BRWD1: variants seen among roughly 807,000 people sequenced by gnomAD.
The protein encoded by BRWD1 is bromodomain and WD repeat-containing protein 1.
A neutral mutation model predicts 251.2 loss-of-function variants in BRWD1; 82 were observed. That is an observed-to-expected ratio of 0.33 (90% CI 0.27 to 0.39). The LOEUF is 0.39. BRWD1 is among the 10% of genes least tolerant of loss of function. The pLI is 1.00. For synonymous variants in BRWD1, 918 were observed against 902.8 expected (o/e 1.02, Z -0.30); for missense variants, 2,233 against 2,711.6 (o/e 0.82, Z 3.92).
upstream of BRWD1, chr21:39,313,688 T>G: frequency 2.6e-6 from 1 of 391,364 alleles, no homozygotes; most frequent in Non-Finnish European, 4.5e-6. Flanking sequence ...CGAAAAGTAG[T>G]CCCTCCGCGG....
chr21:39,199,108 T>C lies in BRWD1; in HGVS notation c.5308A>G (p.Asn1770Asp), dbSNP rs775930572. The stretch of plus-strand genomic sequence containing the variant: ...GACGTTGATGGGCCAGCAGTTCTGT[T>C]ACATGCATGATCTGAATCATGACTT... ...SKSHDSDHAC[N>D]RTAGPSTSVQ... is the part of the protein sequence containing the mutation. The change falls in exon 40 of 41, where the codon AAC (asparagine) becomes GAC (aspartate). Residue 1770 changes from asparagine (N) to aspartate (D), a missense_variant. Asn to Asp is a conservative substitution (Grantham distance 23). Around this residue, in one of 12 missense-constraint regions of BRWD1, gnomAD observed 928 missense variants for 970.0 expected, o/e 0.96. Coordinates refer to ENST00000342449, the MANE Select transcript of BRWD1 (RefSeq NM_033656.4). The C allele has an allele frequency of 6.2e-7, 1 of 1,614,086 alleles. No homozygotes were observed. The highest frequency in any genetic ancestry group is 8.5e-7 in the Non-Finnish European group (1 of 1,180,016).
In BRWD1 at chr21:39,187,511, CAATA is replaced by C; in HGVS notation, c.*8744_*8747del. The stretch of plus-strand genomic sequence containing the variant: ...TTCCTCAACAACACTCATTCGGAAA[CAATA>C]AATTTAAAAGTCATATTGCTAAATG... On this transcript the variant is annotated 3_prime_UTR_variant, in exon 41 of 41. Transcript: ENST00000342449. 1.4e-6 allele frequency: 2 copies of C among 1,434,584 alleles called. No homozygotes were observed. The highest frequency in any genetic ancestry group is 1.8e-6 in the Non-Finnish European group (2 of 1,096,120). 88.9% of individuals were successfully genotyped at this position (1,434,584 alleles called of 1,614,324 possible). A position where few individuals can be genotyped will look rare whatever the true frequency, so the allele number is the denominator to read the frequency against.
chr21:39,217,050 T>TA (rs2032955169), intron 31 of BRWD1: 1 of 17,074 alleles, frequency 5.9e-5, no homozygotes, highest in African/African-American at 1.9e-4. Context: ...TATATATATA[T>TA]TTATATATAT....
intron 36 of BRWD1, 82 bp downstream of exon 36, chr21:39,209,913 C>T (rs997503225): frequency 9.4e-6 from 13 of 1,383,998 alleles, no homozygotes; most frequent in African/African-American, 8.7e-5. Context: ...TGGAAAATTA[C>T]ACTGGAAAAA....
At position 39,313,623 on chromosome 21, in the gene BRWD1, C is replaced by T. The variant is rs1189636819; in HGVS notation, c.-132G>A. ...CCGCCGCCGCCGCCGCCATACCGTG[C>T]GCGCCGCCTGGACCGACGCCTCCGC... On this transcript the variant is annotated 5_prime_UTR_variant, in exon 1 of 41. Coordinates refer to ENST00000342449, the MANE Select transcript of BRWD1 (RefSeq NM_033656.4). 8.7e-6 allele frequency: 6 copies of T among 693,254 alleles called. No homozygotes were observed. The highest frequency in any genetic ancestry group is 5.7e-5 in the African/African-American group (3 of 52,560). 42.9% of individuals were successfully genotyped at this position (693,254 alleles called of 1,614,324 possible).
chr21:39,308,022 G>T (rs1428549246), intron 4 of BRWD1, among the ~76,000 whole-genome samples: 1 of 152,138 alleles, frequency 6.6e-6, no homozygotes, highest in Non-Finnish European at 1.5e-5. Context: ...GGACACGGAG[G>T]CTCACACCTG....
chr21:39,220,372 A>G (rs1206387362), intron 29 of BRWD1, among the ~76,000 whole-genome samples: 1 of 152,250 alleles, frequency 6.6e-6, no homozygotes, highest in East Asian at 1.9e-4. Context: ...CAGTGGATAC[A>G]CTGCATAAAA....
intron 20 of BRWD1, among the ~76,000 whole-genome samples, chr21:39,249,896 A>G (rs2034331016): frequency 6.7e-6 from 1 of 150,016 alleles, no homozygotes; most frequent in African/African-American, 2.5e-5. Flanking sequence ...CACAGAACCA[A>G]GATCAAAAAA....
chr21:39,187,114 T>C lies in BRWD1; in HGVS notation c.*9145A>G, dbSNP rs779612840. 2 of 1,609,604 alleles carry C rather than the reference T, an allele frequency of 1.2e-6. No individual in the cohort carries two copies. Among genetic ancestry groups the C allele is most frequent in the East Asian group, 4.5e-5 (2 of 44,868 alleles). ...TTCTAGCTCTTTTTCACTTTCAGAA[T>C]TTATGGTTGTATCATCCTCTTTATA... is the stretch of plus-strand genomic sequence containing the variant. On this transcript the variant is annotated 3_prime_UTR_variant, in exon 41 of 41. Coordinates refer to ENST00000342449, the MANE Select transcript of BRWD1 (RefSeq NM_033656.4).
At chr21:39,203,629 G>C (rs1031428739) in intron 37 of BRWD1, among the ~76,000 whole-genome samples, 1 of 150,250 alleles carries the variant, frequency 6.7e-6, no homozygotes, top group Non-Finnish European at 1.5e-5. Flanking sequence ...GGATGGTCTC[G>C]ATCTCCTGAC....
At chr21:39,222,675 T>A (rs1166627957) in intron 29 of BRWD1, among the ~76,000 whole-genome samples, 1 of 152,188 alleles carries the variant, frequency 6.6e-6, no homozygotes, top group African/African-American at 2.4e-5. Flanking sequence ...TATCTTATAG[T>A]AGAATTCCAA....
chr21:39,266,053 T>C lies in BRWD1; in HGVS notation c.1531-1034A>G, dbSNP rs1216907716. ...GTTGTCTGCACCTTTAACTTTCCAG[T>C]AACTAAATGTTACGCGTTCGGTGTT... is the stretch of plus-strand genomic sequence containing the variant. On this transcript the variant is annotated intron_variant, in intron 15 of 40. Transcript: ENST00000342449. Among the ~76,000 whole-genome samples, 3 of 152,202 alleles carry C rather than the reference T, an allele frequency of 2.0e-5. No individual in the cohort carries two copies. In the East Asian group the frequency reaches 5.8e-4, roughly 29 times the overall value.
At chr21:39,264,094 A>G (rs1445214125) in intron 17 of BRWD1, among the ~76,000 whole-genome samples, 1 of 152,172 alleles carries the variant, frequency 6.6e-6, no homozygotes, top group African/African-American at 2.4e-5. Flanking sequence ...TAACTTTCGT[A>G]TTTCGTATGT....
At chr21:39,248,760 G>C (rs1336723053) in intron 20 of BRWD1, among the ~76,000 whole-genome samples, 1 of 150,846 alleles carries the variant, frequency 6.6e-6, no homozygotes, top group Non-Finnish European at 1.5e-5. Flanking sequence ...TACACTGCTA[G>C]TGAAACTGTA....
chr21:39,271,049 T>C (rs1446051975), intron 13 of BRWD1, among the ~76,000 whole-genome samples: 3 of 152,022 alleles, frequency 2.0e-5, no homozygotes. Context: ...AATCCCAGCA[T>C]CTTGGGAGAC....
chr21:39,293,054 G>C (rs934864896), intron 8 of BRWD1, among the ~76,000 whole-genome samples: 1 of 152,114 alleles, frequency 6.6e-6, no homozygotes, highest in African/African-American at 2.4e-5. Context: ...TAAAACCTAG[G>C]ATTCGCTTTA....
chr21:39,231,789 T>C (rs974341201), intron 25 of BRWD1, among the ~76,000 whole-genome samples: 14 of 152,226 alleles, frequency 9.2e-5, no homozygotes, highest in African/African-American at 3.4e-4. Context: ...GGAAAAATTA[T>C]TATTTCCTTA....
At chr21:39,209,693 A>G in intron 36 of BRWD1, 1 of 195,430 alleles carries the variant, frequency 5.1e-6, no homozygotes, top group Non-Finnish European at 1.0e-5. Flanking sequence ...AAACACAGAG[A>G]CTCTTACTCT....
intron 37 of BRWD1, among the ~76,000 whole-genome samples, chr21:39,204,285 T>A (rs2032284029): frequency 6.6e-6 from 1 of 151,058 alleles, no homozygotes; most frequent in Non-Finnish European, 1.5e-5. Flanking sequence ...TTGTTTGCAA[T>A]AGATTGAGAT....
Sources: allele counts gnomAD v4.1 joint callset (sites outside exome capture counted in the v4.1 genomes callset), GRCh38; gene constraint gnomAD v4.1.1; regional missense constraint gnomAD v4.1.1; transcripts MANE v1.5; gene names NCBI Gene and HGNC (gene_info 2026-07-23, HGNC 2026-07-21).